The following TLE6 variants were observed in gnomAD, a reference collection of about 807,000 sequenced individuals.
TLE6 encodes the protein transducin-like enhancer protein 6.
In TLE6, 72 loss-of-function variants were observed where a neutral mutation model predicts 77.1. The observed-to-expected ratio is 0.93, with a 90% confidence interval of 0.77 to 1.14. The LOEUF (loss-of-function observed/expected upper bound fraction) is 1.14. Ranked by LOEUF, TLE6 falls within the 50% of genes most tolerant of loss-of-function variation. The pLI is 0.00. For synonymous variants in TLE6, 366 were observed against 287.3 expected (o/e 1.27, Z -2.77); for missense variants, 843 against 747.6 (o/e 1.13, Z -1.49).
At chr19:2,988,893 T>C in intron 11 of TLE6, 168 bp from the exon 12 acceptor site, 3 of 992,260 alleles carry the variant, frequency 3.0e-6, no homozygotes, top group Non-Finnish European at 4.4e-6. Flanking sequence ...GGGACAATAC[T>C]TGAAGGAATA....
Position 2,994,913 on chromosome 19 carries a change from C to T in TLE6, c.1628C>T (p.Ser543Phe), listed in dbSNP as rs141174431. The T allele has an allele frequency of 3.1e-5, 50 of 1,600,432 alleles. No individual in the cohort carries two copies. Among genetic ancestry groups the T allele is most frequent in the African/African-American group, 2.7e-5 (2 of 74,858 alleles). ...CCCCCCCTCCAGGTGCCTGAGATGTCTCCAGTCACGTGCTGTGACGTCTCT... is the reference window on the plus strand; with the variant it reads ...CCCCCCCTCCAGGTGCCTGAGATGTTTCCAGTCACGTGCTGTGACGTCTCT... ...GTKVFEVPEM[S>F]PVTCCDVSSN... is the part of the protein sequence containing the mutation. Residue 543 changes from serine to phenylalanine, a missense_variant, in exon 17 of 17, where the codon TCT becomes TTT. Coordinates refer to ENST00000246112, the MANE Select transcript of TLE6 (RefSeq NM_001143986.2).
intron 4 of TLE6, 28 bp from the exon 5 acceptor site, chr19:2,982,120 C>T (rs1428128897): frequency 3.9e-6 from 6 of 1,551,498 alleles, no homozygotes; most frequent in Non-Finnish European, 3.5e-6. Flanking sequence ...GACCACCTCC[C>T]GATGGGATCT....
chr19:2,984,180 A>T (rs910216530), intron 5 of TLE6: 1 of 152,326 alleles, frequency 6.6e-6, no homozygotes, highest in Non-Finnish European at 1.5e-5. Flanking sequence ...AGCAGGCACA[A>T]GGGAGCCACA....
At chr19:2,986,058 C>G (rs1443039799) in intron 5 of TLE6, among the ~76,000 whole-genome samples, 6 of 102,238 alleles carry the variant, frequency 5.9e-5, no homozygotes, top group African/African-American at 2.1e-4. Flanking sequence ...TGGGCCACAG[C>G]GTGAGACTGT....
chr19:2,986,201 C>G (rs1350797787), intron 5 of TLE6, among the ~76,000 whole-genome samples: 2 of 148,896 alleles, frequency 1.3e-5, no homozygotes, highest in Non-Finnish European at 3.0e-5. Flanking sequence ...TAGTTTGAGG[C>G]CAGGAATTCA....
In TLE6 at chr19:2,982,146, A is replaced by G. The variant is rs2088810922; in HGVS notation, c.181-2A>G. 6.4e-7 allele frequency: 1 copy of G among 1,551,436 alleles called. No homozygotes were observed. The highest frequency in any genetic ancestry group is 1.2e-5 in the South Asian group (1 of 84,062). On this transcript the variant is annotated splice_acceptor_variant, in intron 4 of 16. Coordinates refer to ENST00000246112, the MANE Select transcript of TLE6 (RefSeq NM_001143986.2). LOFTEE classifies it high-confidence loss of function. ...GATGGGATCTCTGTTTTCCCTTTGC[A>G]GCTGCACAAGATCCAGCAGGATGTG...
rs1599162368 is a variant in TLE6 at position 2,988,022 on chromosome 19, G to A, written c.702+48G>A. On this transcript the variant is annotated intron_variant, in intron 10 of 16. Transcript: ENST00000246112. ...TAGCCCAGCGTGAAGGCTGCCCAGG[G>A]TGGGGTAGAGGAGGTGGGCACAGAT... The A allele has an allele frequency of 1.9e-6, 3 of 1,584,036 alleles. No homozygotes were observed. The South Asian group carries it at 3.4e-5, about 18-fold the overall frequency.
Position 2,994,961 on chromosome 19 carries a change from C to T in TLE6, c.1676C>T (p.Thr559Ile), listed in dbSNP as rs776460999. 5.0e-6 allele frequency: 8 copies of T among 1,609,810 alleles called. No homozygotes were observed. The highest frequency in any genetic ancestry group is 2.2e-5 in the East Asian group (1 of 44,836). Reference sequence around the variant, plus strand: ...TCTTCCAACAACCGCCTCGTTGTCACAGGCTCCGGGGAGCACGCCTCCGTG... The same window carrying T: ...TCTTCCAACAACCGCCTCGTTGTCATAGGCTCCGGGGAGCACGCCTCCGTG... Reference protein sequence around the residue: ...DVSSNNRLVVTGSGEHASVYQ... With the variant: ...DVSSNNRLVVIGSGEHASVYQ... The change falls in exon 17 of 17, where the codon ACA becomes ATA. Residue 559 changes from threonine (T) to isoleucine (I), a missense_variant. Thr to Ile is a moderately conservative substitution (Grantham distance 89, BLOSUM62 -1). Coordinates refer to ENST00000246112, the MANE Select transcript of TLE6 (RefSeq NM_001143986.2).
At chr19:2,991,033 C>T (rs866031714) in intron 13 of TLE6, among the ~76,000 whole-genome samples, 9 of 116,894 alleles carry the variant, frequency 7.7e-5, no homozygotes, top group Non-Finnish European at 8.4e-5. Flanking sequence ...TACATACATA[C>T]ATACATACAT....
intron 4 of TLE6, 143 bp downstream of exon 4, chr19:2,981,726 T>C (rs1599151326): frequency 1.1e-6 from 1 of 913,862 alleles, no homozygotes; most frequent in East Asian, 2.7e-5. Flanking sequence ...ATCCCAGCAC[T>C]ATGGGAGGGC....
intron 2 of TLE6, among the ~76,000 whole-genome samples, chr19:2,978,619 A>G (rs1599146636): frequency 6.6e-6 from 1 of 152,080 alleles, no homozygotes; most frequent in East Asian, 1.9e-4. Context: ...AGCTGGGCCT[A>G]GTGACGTGGG....
intron 15 of TLE6, 78 bp from the exon 16 acceptor site, chr19:2,993,941 A>T: frequency 1.1e-6 from 1 of 921,320 alleles, no homozygotes; most frequent in South Asian, 1.5e-5. Context: ...AAAAAAAAAA[A>T]AGGTGGGTGG....
At chr19:2,994,779 G>A (rs146989597) in intron 16 of TLE6, 121 bp from the exon 17 acceptor site, 218 of 579,970 alleles carry the variant, frequency 3.8e-4, no homozygotes, top group Non-Finnish European at 5.0e-4. Context: ...ACTCCAGCCT[G>A]GGCAACAGAG....
In TLE6 at chr19:2,993,044, A is replaced by C. The variant is rs1273208305; in HGVS notation, c.1387-388A>C. Among the ~76,000 whole-genome samples, 11 of 150,086 alleles carry C rather than the reference A, an allele frequency of 7.3e-5. No individual in the cohort carries two copies. In the East Asian group the frequency reaches 1.2e-3, roughly 16 times the overall value. Reference sequence around the variant, plus strand: ...TCTCTACTAAAAAAAAAAAAAAAAAAAAAAAAAAACAGAATAATTAGCCAG... The same window carrying C: ...TCTCTACTAAAAAAAAAAAAAAAAACAAAAAAAAACAGAATAATTAGCCAG... On this transcript the variant is annotated intron_variant, in intron 14 of 16. Transcript: ENST00000246112.
At chr19:2,990,864 G>C (rs1187817436) in intron 13 of TLE6, among the ~76,000 whole-genome samples, 1 of 151,504 alleles carries the variant, frequency 6.6e-6, no homozygotes, top group African/African-American at 2.4e-5. Context: ...TAGCCGGCGT[G>C]GTGGCACATG....
Position 2,993,506 on chromosome 19 carries a change from A to G in TLE6, c.1461A>G (p.Gln487=), listed in dbSNP as rs374858414. Residue 487 remains glutamine, a synonymous_variant, in exon 15 of 17, where the codon CAA becomes CAG. Coordinates refer to ENST00000246112, the MANE Select transcript of TLE6 (RefSeq NM_001143986.2). ...LGMANGQQWL[Q]STSGSQRHMV... ...TGGCCAATGGCCAGCAGTGGCTGCA[A>G]AGCACCAGCGGGAGCCAGCGGCACA... is the stretch of plus-strand genomic sequence containing the variant. The G allele has an allele frequency of 7.6e-5, 121 of 1,597,238 alleles. 1 individual carries two copies. The East Asian group carries it at 1.4e-3, about 19-fold the overall frequency.
intron 2 of TLE6, among the ~76,000 whole-genome samples, chr19:2,979,542 C>G (rs989455685): frequency 5.3e-5 from 8 of 151,940 alleles, no homozygotes; most frequent in African/African-American, 1.9e-4. Flanking sequence ...CCACCTTGCC[C>G]GGACTTTTAT....
In TLE6 at chr19:2,981,548, C is replaced by T. The variant is rs2088797957; in HGVS notation, c.145C>T (p.His49Tyr). Residue 49 changes from histidine (H) to tyrosine (Y), a missense_variant, in exon 4 of 17, where the codon CAT (histidine) becomes TAT (tyrosine). By Grantham distance (83) the His-to-Tyr change is moderately conservative (BLOSUM62 2). Coordinates refer to ENST00000246112, the MANE Select transcript of TLE6 (RefSeq NM_001143986.2). ...CTCCTTCCCCCTCAGGTTTTCTCCT[C>T]ATTTTGCTGCGGAGTTGGAGAGCAT... The part of the protein sequence containing the change: ...RLKQFPRFSP[H>Y]FAAELESIYY... 6.4e-7 allele frequency: 1 copy of T among 1,551,566 alleles called. No homozygotes were observed. Among genetic ancestry groups the T allele is most frequent in the Non-Finnish European group, 8.7e-7 (1 of 1,146,956 alleles).
At chr19:2,993,896 G>A (rs767193869) in intron 15 of TLE6, 123 bp from the exon 16 acceptor site, 78 of 875,484 alleles carry the variant, frequency 8.9e-5, no homozygotes, top group Non-Finnish European at 1.3e-4. Flanking sequence ...AGTCCAGCCT[G>A]GGTGACAGAG....
Sources: gnomAD v4.1 joint callset for allele counts (sites outside exome capture counted in the v4.1 genomes callset) on GRCh38, gnomAD v4.1.1 for gene constraint, MANE v1.5 for transcripts, NCBI Gene and HGNC (gene_info 2026-07-23, HGNC 2026-07-21) for gene names.